Variants in TEX10 observed in about 807,000 individuals in gnomAD.
TEX10 encodes testis expressed 10.
A neutral mutation model predicts 104.4 loss-of-function variants in TEX10; 24 were observed. The observed-to-expected ratio is 0.23, with a 90% confidence interval of 0.17 to 0.32. The LOEUF (loss-of-function observed/expected upper bound fraction) is 0.32, where lower values mean the gene tolerates loss of function less well. Among genes scored for constraint, TEX10 ranks in the 10% least tolerant of loss-of-function variants. The probability of loss-of-function intolerance (pLI) is 1.00; values close to 1 mark genes in which losing one functional copy is unlikely to be tolerated. For synonymous variants in TEX10, 396 were observed against 393.4 expected, an observed-to-expected ratio of 1.01 and a Z score of -0.08; for missense variants, 921 against 1,083.9, an observed-to-expected ratio of 0.85 and a Z score of 2.11.
rs556137388 is a variant in TEX10 at position 100,347,041 on chromosome 9, C to A, written c.546G>T (p.Leu182Phe). The change falls in exon 3 of 15, where the codon TTG becomes TTT. Residue 182 changes from leucine (L) to phenylalanine (F), a missense_variant. Physicochemically the swap from Leu to Phe is conservative, Grantham distance 22. Transcript: ENST00000374902. ...AAATAAGTTCTACAAAATTCTTAAG[C>A]AATATGCTGCTACGGCCAGTAATTA... ...PALITGRSSILLKNFVELISH... is the reference protein window; with the variant it reads ...PALITGRSSIFLKNFVELISH... 1.2e-6 allele frequency: 2 copies of A among 1,614,144 alleles called. No homozygotes were observed. The highest frequency in any genetic ancestry group is 1.3e-5 in the African/African-American group (1 of 75,044).
At position 100,326,655 on chromosome 9, in the gene TEX10, CTTG is replaced by C. The variant is rs199984854; in HGVS notation, c.1802-179_1802-177del. On this transcript the variant is annotated intron_variant, in intron 8 of 14. Transcript: ENST00000374902. ...AATATCATAAAACACATATGTATGG[CTTG>C]TTAAGCTACTGCATAAAATAAAACA... Among the ~76,000 whole-genome samples, 1,466 of 152,202 alleles carry C rather than the reference CTTG, an allele frequency of 9.6e-3. 11 individuals carry two copies. The highest frequency in any genetic ancestry group is 0.013 in the Non-Finnish European group (904 of 68,004).
chr9:100,343,787 T>TAC (rs1249503029), intron 4 of TEX10, among the ~76,000 whole-genome samples: 9 of 152,174 alleles, frequency 5.9e-5, no homozygotes, highest in Non-Finnish European at 1.3e-4. Context: ...GAAAAAGAGT[T>TAC]ACAATTCAGC....
At chr9:100,343,242 T>C (rs1307520550) in intron 4 of TEX10, among the ~76,000 whole-genome samples, 1 of 151,004 alleles carries the variant, frequency 6.6e-6, no homozygotes, top group South Asian at 2.1e-4. Flanking sequence ...CACAAAATGT[T>C]AGAAATTGCT....
At chr9:100,351,682 C>A (rs1054665972) in intron 1 of TEX10, among the ~76,000 whole-genome samples, 1 of 152,174 alleles carries the variant, frequency 6.6e-6, no homozygotes, top group Non-Finnish European at 1.5e-5. Context: ...TATTATCTAT[C>A]GCTTTGTATT....
intron 7 of TEX10, 27 bp from the exon 8 acceptor site, chr9:100,327,989 T>C (rs969996274): frequency 6.8e-7 from 1 of 1,481,356 alleles, no homozygotes; most frequent in African/African-American, 1.4e-5. Context: ...AAGAATAAAA[T>C]GTAATACTCA....
At chr9:100,325,723 GTTTCACCA>G (rs1834690575) in intron 9 of TEX10, among the ~76,000 whole-genome samples, 1 of 152,048 alleles carries the variant, frequency 6.6e-6, no homozygotes, top group Admixed American at 6.6e-5. Flanking sequence ...CAGAGATGGG[GTTTCACCA>G]TGCTGGCCAG....
intron 12 of TEX10, among the ~76,000 whole-genome samples, chr9:100,308,991 G>A (rs902070533): frequency 6.6e-6 from 1 of 152,092 alleles, no homozygotes; most frequent in Non-Finnish European, 1.5e-5. Context: ...ACTATTTAAA[G>A]GGATTATTTC....
intron 13 of TEX10, 26 bp from the exon 14 acceptor site, chr9:100,303,868 T>A (rs777872294): frequency 1.2e-6 from 2 of 1,609,910 alleles, no homozygotes; most frequent in Admixed American, 3.3e-5. Flanking sequence ...CAGAAATGAG[T>A]CAGTGAGCAA....
At position 100,334,475 on chromosome 9, in the gene TEX10, C is replaced by T. The variant is rs115788182; in HGVS notation, c.1251-4306G>A. On this transcript the variant is annotated intron_variant, in intron 5 of 14. Coordinates refer to ENST00000374902, the MANE Select transcript of TEX10 (RefSeq NM_017746.4). Reference sequence around the variant, plus strand: ...GGAGAAAAAAACGAACTAAAGAAGACTCTAAATGATCCCAGGGAGGACTGA... The same window carrying T: ...GGAGAAAAAAACGAACTAAAGAAGATTCTAAATGATCCCAGGGAGGACTGA... Among the ~76,000 whole-genome samples the T allele has an allele frequency of 3.5e-3, 532 of 152,070 alleles. 1 individual carries two copies. The highest frequency in any genetic ancestry group is 0.012 in the African/African-American group (504 of 41,464).
At position 100,352,917 on chromosome 9, in the gene TEX10, T is replaced by C; in HGVS notation, c.-155A>G. ...ATAGCCTCGTCCTCACGCGGCCGCG[T>C]CTCCTTCCGCCGCCCGGAAATCAGG... On this transcript the variant is annotated 5_prime_UTR_variant, in exon 1 of 15. Transcript: ENST00000374902. 2.0e-6 allele frequency: 2 copies of C among 990,100 alleles called. No homozygotes were observed. The highest frequency in any genetic ancestry group is 2.4e-6 in the Non-Finnish European group (2 of 833,498). The allele number at this position is 990,100 out of a possible 1,614,324, so 61.3% of individuals were successfully genotyped here.
chr9:100,339,724 AT>A (rs1188303164), intron 5 of TEX10, among the ~76,000 whole-genome samples: 3 of 151,150 alleles, frequency 2.0e-5, no homozygotes, highest in South Asian at 2.1e-4. Flanking sequence ...TTGTTCTCAC[AT>A]TTATCTGCTC....
At chr9:100,320,050 T>G (rs915290027) in intron 11 of TEX10, among the ~76,000 whole-genome samples, 4 of 152,182 alleles carry the variant, frequency 2.6e-5, no homozygotes, top group Non-Finnish European at 5.9e-5. Flanking sequence ...AAAAGATGGA[T>G]CTATCATTCA....
Position 100,349,322 on chromosome 9 carries a change from T to C in TEX10, c.42A>G (p.Val14=). 1 of 1,597,006 alleles carries C rather than the reference T, an allele frequency of 6.3e-7. No individual in the cohort carries two copies. The highest frequency in any genetic ancestry group is 8.5e-7 in the Non-Finnish European group (1 of 1,175,490). The change falls in exon 2 of 15, where the codon GTA becomes GTG. Residue 14 remains valine, a synonymous_variant. Coordinates refer to ENST00000374902, the MANE Select transcript of TEX10 (RefSeq NM_017746.4). ...KRKRQHDFQK[V]KLKVGKKKPK... is the part of the protein sequence containing the mutation. Reference sequence around the variant, plus strand: ...GCTTCTTTTTACCAACTTTCAATTTTACTTTTTGAAAATCATGTTGGCGTT... The same window carrying C: ...GCTTCTTTTTACCAACTTTCAATTTCACTTTTTGAAAATCATGTTGGCGTT...
Position 100,347,414 on chromosome 9 carries a change from T to A in TEX10, c.181-8A>T, listed in dbSNP as rs1257470119. 6.5e-7 allele frequency: 1 copy of A among 1,542,990 alleles called. No homozygotes were observed. On this transcript the variant is annotated splice_polypyrimidine_tract_variant and splice_region_variant and intron_variant, in intron 2 of 14. Coordinates refer to ENST00000374902, the MANE Select transcript of TEX10 (RefSeq NM_017746.4). ...CATCTGTGACAGCAAATCCTATAAA[T>A]AAAAATACAAATTTTAGATGTATAC... is the stretch of plus-strand genomic sequence containing the variant.
At chr9:100,318,539 A>C (rs1268060960) in intron 11 of TEX10, among the ~76,000 whole-genome samples, 1 of 152,226 alleles carries the variant, frequency 6.6e-6, no homozygotes, top group Admixed American at 6.5e-5. Context: ...TGATACTCTC[A>C]GATACCTGAT....
intron 11 of TEX10, among the ~76,000 whole-genome samples, chr9:100,311,416 T>A (rs1366501351): frequency 6.6e-6 from 1 of 152,140 alleles, no homozygotes. Context: ...ATAAGTGTTA[T>A]TCAAGGACCT....
At chr9:100,349,149 A>T (rs1835376006) in intron 2 of TEX10, 35 bp downstream of exon 2, 1 of 1,494,422 alleles carries the variant, frequency 6.7e-7, no homozygotes, top group African/African-American at 1.4e-5. Flanking sequence ...TTCCAAAGAA[A>T]ATCTTATTTT....
chr9:100,317,778 C>T (rs900574535), intron 11 of TEX10, among the ~76,000 whole-genome samples: 4 of 151,942 alleles, frequency 2.6e-5, no homozygotes, highest in Non-Finnish European at 5.9e-5. Flanking sequence ...GGAACTCAAG[C>T]AACAACAAAA....
In TEX10 at chr9:100,326,178, T is replaced by C. The variant is rs550839017; in HGVS notation, c.1979+124A>G. The stretch of plus-strand genomic sequence containing the variant: ...ACTCTACCTAGTGATATAGTTTTAA[T>C]TGTTGCATTAAGAGTAAATGAAAGT... On this transcript the variant is annotated intron_variant, in intron 9 of 14. Coordinates refer to ENST00000374902, the MANE Select transcript of TEX10 (RefSeq NM_017746.4). 6.1e-5 allele frequency: 59 copies of C among 965,808 alleles called. No homozygotes were observed. The African/African-American group carries it at 6.8e-4, about 11-fold the overall frequency. The allele number at this position is 965,808 out of a possible 1,614,324, so 59.8% of individuals were successfully genotyped here.
Sources: allele counts gnomAD v4.1 joint callset (sites outside exome capture counted in the v4.1 genomes callset), GRCh38; gene constraint gnomAD v4.1.1; transcripts MANE v1.5; gene names NCBI Gene and HGNC (gene_info 2026-07-23, HGNC 2026-07-21).